SLC5A4: variants seen among roughly 807,000 people sequenced by gnomAD.
SLC5A4 encodes the protein solute carrier family 5 member 4.
A neutral mutation model predicts 70.3 loss-of-function variants in SLC5A4; 55 were observed. That is an observed-to-expected ratio of 0.78 (90% confidence interval 0.63 to 0.98). SLC5A4 has a LOEUF of 0.98. Ranked by LOEUF, SLC5A4 falls within the 50% of genes least tolerant of loss-of-function variation. SLC5A4 has a pLI of 0.00. For missense variants in SLC5A4, 735 were observed against 839.2 expected (o/e 0.88, Z 1.53); for synonymous variants, 268 against 305.7 (o/e 0.88, Z 1.29).
chr22:32,326,367 C>T, the SLC5A4 span, among the ~76,000 whole-genome samples: 1 of 151,766 alleles, frequency 6.6e-6, no homozygotes, highest in African/African-American at 2.4e-5. Context: ...AGCGATTCTC[C>T]TGCCTCAGCC....
intron 13 of SLC5A4, 42 bp from the exon 14 acceptor site, chr22:32,221,064 T>C (rs1358427905): frequency 3.9e-6 from 5 of 1,266,088 alleles, no homozygotes; most frequent in Non-Finnish European, 5.8e-6. Flanking sequence ...AATAGGCAAA[T>C]GTTTGCAATA....
chr22:32,325,549 AGCCACAAG>A, the SLC5A4 span, among the ~76,000 whole-genome samples: 2 of 152,248 alleles, frequency 1.3e-5, no homozygotes, highest in African/African-American at 4.8e-5. Context: ...GAGAGGCAGC[AGCCACAAG>A]GCCTTCATCT....
At chr22:32,293,707 T>C in the SLC5A4 span, among the ~76,000 whole-genome samples, 2 of 152,160 alleles carry the variant, frequency 1.3e-5, no homozygotes, top group Non-Finnish European at 2.9e-5. Flanking sequence ...TGCTCTTTAT[T>C]CCTTTCTGTA....
chr22:32,285,459 T>C, the SLC5A4 span, among the ~76,000 whole-genome samples: 1 of 152,314 alleles, frequency 6.6e-6, no homozygotes, highest in African/African-American at 2.4e-5. Flanking sequence ...CTCTGTATCT[T>C]AAATTTCAGC....
chr22:32,302,705 G>A, the SLC5A4 span, among the ~76,000 whole-genome samples: 9 of 152,088 alleles, frequency 5.9e-5, no homozygotes, highest in East Asian at 1.9e-4. Flanking sequence ...ACAAAACTAC[G>A]TAGACTTGAT....
At chr22:32,348,699 CTT>C in the SLC5A4 span, among the ~76,000 whole-genome samples, 3 of 152,114 alleles carry the variant, frequency 2.0e-5, no homozygotes, top group Non-Finnish European at 4.4e-5. Context: ...ATTTATAACT[CTT>C]TATAACATTT....
the SLC5A4 span, among the ~76,000 whole-genome samples, chr22:32,278,701 G>C: frequency 6.6e-6 from 1 of 151,908 alleles, no homozygotes; most frequent in African/African-American, 2.4e-5. Context: ...TTCAAGGAAC[G>C]CAACAAAAAA....
Position 32,239,574 on chromosome 22 carries a change from ATATATATT to A in SLC5A4, c.478-492_478-485del, listed in dbSNP as rs1926364207. Reference sequence around the variant, plus strand: ...TATATATATATATATATATATTTATATATATATTTATATATATATAAATTATATAAAAT... The same window carrying A: ...TATATATATATATATATATATTTATATATATATATATAAATTATATAAAAT... On this transcript the variant is annotated intron_variant, in intron 5 of 14. Transcript: ENST00000266086. Among the ~76,000 whole-genome samples, 5 of 24,960 alleles carry A rather than the reference ATATATATT, an allele frequency of 2.0e-4. 1 individual carries two copies. The highest frequency in any genetic ancestry group is 9.3e-4 in the African/African-American group (4 of 4,288). The allele number at this position is 24,960 out of a possible 152,430, so 16.4% of individuals were successfully genotyped here. A position where few individuals can be genotyped will look rare whatever the true frequency, so the allele number is the denominator to read the frequency against.
At chr22:32,252,056 C>T (rs1569383371) in intron 2 of SLC5A4, among the ~76,000 whole-genome samples, 182 bp from the exon 3 acceptor site, 1 of 151,840 alleles carries the variant, frequency 6.6e-6, no homozygotes, top group Non-Finnish European at 1.5e-5. Context: ...GGTGAGACCC[C>T]ATCTTTACTC....
At chr22:32,272,456 G>C in the SLC5A4 span, 1 of 803,476 alleles carries the variant, frequency 1.2e-6, no homozygotes. Context: ...ATCAGCGTCA[G>C]GAACTTCATC....
intron 5 of SLC5A4, among the ~76,000 whole-genome samples, chr22:32,244,862 CAT>C (rs1488014754): frequency 6.6e-6 from 1 of 152,106 alleles, no homozygotes; most frequent in Non-Finnish European, 1.5e-5. Flanking sequence ...TGTGATGAAA[CAT>C]ATATGACATA....
chr22:32,221,144 G>T, intron 13 of SLC5A4, 122 bp from the exon 14 acceptor site: 1 of 551,800 alleles, frequency 1.8e-6, no homozygotes, highest in Non-Finnish European at 3.2e-6. Flanking sequence ...GGAGAATATA[G>T]ATCACAAAGA....
chr22:32,355,044 G>A, the SLC5A4 span: 5 of 152,058 alleles, frequency 3.3e-5, no homozygotes, highest in Non-Finnish European at 7.3e-5. Flanking sequence ...ACAAGCTGAC[G>A]CAGGAGAGCT....
chr22:32,265,811 G>A, the SLC5A4 span, among the ~76,000 whole-genome samples: 1 of 152,210 alleles, frequency 6.6e-6, no homozygotes, highest in Non-Finnish European at 1.5e-5. Flanking sequence ...CTGCACTCCA[G>A]CCTGGGTGAT....
the SLC5A4 span, among the ~76,000 whole-genome samples, chr22:32,333,220 C>T: frequency 2.0e-5 from 3 of 149,560 alleles, no homozygotes; most frequent in Non-Finnish European, 4.4e-5. Context: ...AGACTCAGAC[C>T]AGTCCTGCCC....
the SLC5A4 span, among the ~76,000 whole-genome samples, chr22:32,280,550 G>A: frequency 1.3e-5 from 2 of 152,134 alleles, no homozygotes; most frequent in African/African-American, 4.8e-5. Flanking sequence ...TGCTAAGCAC[G>A]AGCTGGACTC....
chr22:32,273,240 A>G, the SLC5A4 span: 3 of 342,144 alleles, frequency 8.8e-6, no homozygotes, highest in East Asian at 1.4e-4. Flanking sequence ...AAATATTCAT[A>G]TACTATAATG....
At chr22:32,271,381 C>A in the SLC5A4 span, 1 of 755,024 alleles carries the variant, frequency 1.3e-6, no homozygotes, top group Non-Finnish European at 2.4e-6. Flanking sequence ...CGCCAGAGCA[C>A]ACCTTACCTG....
the SLC5A4 span, among the ~76,000 whole-genome samples, chr22:32,334,275 C>T: frequency 3.2e-4 from 49 of 152,234 alleles, no homozygotes; most frequent in African/African-American, 1.1e-3. Context: ...CTGGTGCTGG[C>T]GTCCCATGGT....
Sources: gnomAD v4.1 joint callset for allele counts (sites outside exome capture counted in the v4.1 genomes callset) on GRCh38, gnomAD v4.1.1 for gene constraint, MANE v1.5 for transcripts, NCBI Gene and HGNC (gene_info 2026-07-23, HGNC 2026-07-21) for gene names.